Variants in AGPAT5 observed in about 807,000 individuals in gnomAD.
The protein encoded by AGPAT5 is 1-acylglycerol-3-phosphate O-acyltransferase 5.
AGPAT5 carries 46 observed loss-of-function variants against 45.6 expected under a neutral mutation model. The ratio of observed to expected loss-of-function variants is 1.01; its 90% confidence interval spans 0.80 to 1.29. The LOEUF (loss-of-function observed/expected upper bound fraction) is 1.29, where lower values mean the gene tolerates loss of function less well. Ranked by LOEUF, AGPAT5 falls within the 50% of genes most tolerant of loss-of-function variation. The probability of loss-of-function intolerance (pLI) is 0.00; values close to 1 mark genes in which losing one functional copy is unlikely to be tolerated. For missense variants in AGPAT5, 673 were observed against 450.7 expected (o/e 1.49, Z -4.47); for synonymous variants, 272 against 167.0 (o/e 1.63, Z -4.85).
At chr8:6,742,342 C>G (rs1448947068) in intron 5 of AGPAT5, among the ~76,000 whole-genome samples, 2 of 152,178 alleles carry the variant, frequency 1.3e-5, no homozygotes, top group Non-Finnish European at 2.9e-5. Context: ...TTCTTAATAT[C>G]CATATTTTAG....
At chr8:6,742,019 A>T (rs1801258991) in intron 5 of AGPAT5, among the ~76,000 whole-genome samples, 1 of 152,182 alleles carries the variant, frequency 6.6e-6, no homozygotes, top group Non-Finnish European at 1.5e-5. Context: ...AATCTATCTA[A>T]GTACATGATT....
In AGPAT5 at chr8:6,758,853, A is replaced by AT. The variant is rs1400394188; in HGVS notation, c.*1470dup. 6.6e-6 allele frequency: 1 copy of AT among 152,594 alleles called. No individual in the cohort carries two copies. The highest frequency in any genetic ancestry group is 1.5e-5 in the Non-Finnish European group (1 of 68,034). The allele number at this position is 152,594 out of a possible 1,614,324, so 9.5% of individuals were successfully genotyped here. The stretch of plus-strand genomic sequence containing the variant: ...TGACATTTCTGCTTACTGCTACTGG[A>AT]TTTTTGCTGCAGAAATATATCAGTG... On this transcript the variant is annotated 3_prime_UTR_variant, in exon 8 of 8. Coordinates refer to ENST00000285518, the MANE Select transcript of AGPAT5 (RefSeq NM_018361.5).
Position 6,719,674 on chromosome 8 carries a change from A to T in AGPAT5, c.220-5196A>T, listed in dbSNP as rs549401634. Among the ~76,000 whole-genome samples the T allele has an allele frequency of 5.3e-5, 8 of 152,318 alleles. No individual in the cohort carries two copies. In the East Asian group the frequency reaches 1.5e-3, roughly 29 times the overall value. On this transcript the variant is annotated intron_variant, in intron 1 of 7. Coordinates refer to ENST00000285518, the MANE Select transcript of AGPAT5 (RefSeq NM_018361.5). ...GAGATGGGTAGCCTCCAGCTTTACC[A>T]CCCAAACAAGCTAAGAAAAACTGTT...
intron 5 of AGPAT5, among the ~76,000 whole-genome samples, chr8:6,746,953 T>A (rs1035953605): frequency 6.6e-6 from 1 of 152,206 alleles, no homozygotes; most frequent in Non-Finnish European, 1.5e-5. Flanking sequence ...TTCTGGATAA[T>A]TGCAGTAGTC....
At chr8:6,722,644 A>G (rs1800541468) in intron 1 of AGPAT5, among the ~76,000 whole-genome samples, 2 of 152,224 alleles carry the variant, frequency 1.3e-5, no homozygotes, top group South Asian at 4.1e-4. Context: ...AAAACAACAC[A>G]GATGTGATGA....
chr8:6,723,730 G>T (rs548442480), intron 1 of AGPAT5, among the ~76,000 whole-genome samples: 1 of 152,204 alleles, frequency 6.6e-6, no homozygotes, highest in Non-Finnish European at 1.5e-5. Context: ...ACATAGCACT[G>T]TGCAGTTTCT....
chr8:6,742,031 T>C (rs547449293), intron 5 of AGPAT5, among the ~76,000 whole-genome samples: 2 of 152,326 alleles, frequency 1.3e-5, no homozygotes, highest in Non-Finnish European at 2.9e-5. Flanking sequence ...TACATGATTA[T>C]GTAGATGGAA....
chr8:6,733,657 G>A (rs969633286), intron 4 of AGPAT5, among the ~76,000 whole-genome samples: 10 of 152,268 alleles, frequency 6.6e-5, no homozygotes, highest in Admixed American at 6.5e-4. Context: ...TGTGGTCATT[G>A]CATGTAGGTC....
chr8:6,709,015 C>A, intron 1 of AGPAT5, 128 bp downstream of exon 1: 1 of 852,126 alleles, frequency 1.2e-6, no homozygotes, highest in Non-Finnish European at 1.9e-6. Context: ...AGAGCACGTG[C>A]CGCCTCCCCG....
chr8:6,714,828 C>T (rs760882204), intron 1 of AGPAT5, among the ~76,000 whole-genome samples: 3 of 152,174 alleles, frequency 2.0e-5, no homozygotes, highest in Admixed American at 6.5e-5. Context: ...ATGGAAGGCA[C>T]GGGAAAACAG....
At position 6,760,057 on chromosome 8, in the gene AGPAT5, A is replaced by C. The variant is rs563121295; in HGVS notation, c.*2669A>C. On this transcript the variant is annotated 3_prime_UTR_variant, in exon 8 of 8. Coordinates refer to ENST00000285518, the MANE Select transcript of AGPAT5 (RefSeq NM_018361.5). The stretch of plus-strand genomic sequence containing the variant: ...GTGATTTTTAAAATTTAGAGTGGCA[A>C]CAATTTTGCTTAATATGGGTTACAT... Among the ~76,000 whole-genome samples, 11 of 152,320 alleles carry C rather than the reference A, an allele frequency of 7.2e-5. 1 individual carries two copies. The South Asian group carries it at 2.3e-3, about 32-fold the overall frequency.
At position 6,758,753 on chromosome 8, in the gene AGPAT5, A is replaced by G. The variant is rs192813447; in HGVS notation, c.*1365A>G. ...GCCATGGAACAATATATCCCATGGG[A>G]GAAGACCTTTCAGTGTGAACTGTTC... is the stretch of plus-strand genomic sequence containing the variant. On this transcript the variant is annotated 3_prime_UTR_variant, in exon 8 of 8. Transcript: ENST00000285518. 6 of 152,634 alleles carry G rather than the reference A, an allele frequency of 3.9e-5. No individual in the cohort carries two copies. Among genetic ancestry groups the G allele is most frequent in the African/African-American group, 1.2e-4 (5 of 41,460 alleles). The allele number at this position is 152,634 out of a possible 1,614,324, so 9.5% of individuals were successfully genotyped here. A position where few individuals can be genotyped will look rare whatever the true frequency, so the allele number is the denominator to read the frequency against.
chr8:6,712,281 G>A (rs921963005), intron 1 of AGPAT5, among the ~76,000 whole-genome samples: 2 of 151,788 alleles, frequency 1.3e-5, no homozygotes, highest in African/African-American at 2.4e-5. Flanking sequence ...TTTTATTTTC[G>A]GAACAAATCT....
chr8:6,730,277 CAGAT>C (rs1401009847), intron 2 of AGPAT5, among the ~76,000 whole-genome samples: 1 of 149,202 alleles, frequency 6.7e-6, no homozygotes, highest in Admixed American at 6.7e-5. Flanking sequence ...TTAAATATCT[CAGAT>C]AGATTTAAAG....
In AGPAT5 at chr8:6,755,089, A is replaced by G. The variant is rs773982882; in HGVS notation, c.784A>G (p.Ile262Val). Residue 262 changes from isoleucine to valine, a missense_variant, in exon 7 of 8, where the codon ATT (isoleucine) becomes GTT (valine). Transcript: ENST00000285518. ...CKECPKIHIHIDRIDKKDVPE... is the reference protein window; with the variant it reads ...CKECPKIHIHVDRIDKKDVPE... ...AGAATGTCCAAAAATTCATATTCAC[A>G]TTGATCGTATCGACAAAAAAGATGT... 7 of 1,604,156 alleles carry G rather than the reference A, an allele frequency of 4.4e-6. No homozygotes were observed. The highest frequency in any genetic ancestry group is 5.9e-6 in the Non-Finnish European group (7 of 1,177,076).
chr8:6,736,229 A>G (rs1046009952), intron 4 of AGPAT5, among the ~76,000 whole-genome samples: 1 of 152,216 alleles, frequency 6.6e-6, no homozygotes, highest in Non-Finnish European at 1.5e-5. Context: ...AGAAATAAAC[A>G]TTGGTACCAC....
At chr8:6,743,127 A>C (rs1801291727) in intron 5 of AGPAT5, among the ~76,000 whole-genome samples, 1 of 151,216 alleles carries the variant, frequency 6.6e-6, no homozygotes, top group African/African-American at 2.4e-5. Flanking sequence ...TATCCTCCCA[A>C]CTCTCTGGCG....
At chr8:6,750,188 C>T (rs1801613564) in intron 6 of AGPAT5, among the ~76,000 whole-genome samples, 1 of 152,254 alleles carries the variant, frequency 6.6e-6, no homozygotes, top group Admixed American at 6.5e-5. Flanking sequence ...TGCTGTGGCA[C>T]TGATGGCGTG....
chr8:6,751,352 C>T (rs994384321), intron 6 of AGPAT5, among the ~76,000 whole-genome samples: 1 of 152,202 alleles, frequency 6.6e-6, no homozygotes, highest in Non-Finnish European at 1.5e-5. Context: ...CAGTGTTTCT[C>T]AAAGCATTCT....
Sources: gnomAD v4.1 joint callset for allele counts (sites outside exome capture counted in the v4.1 genomes callset) on GRCh38, gnomAD v4.1.1 for gene constraint, MANE v1.5 for transcripts, NCBI Gene and HGNC (gene_info 2026-07-23, HGNC 2026-07-21) for gene names.